The following UGT1A6 variants were observed in gnomAD, a reference collection of about 807,000 sequenced individuals.
UGT1A6 encodes UDP-glucuronosyltransferase 1A6.
UGT1A6 carries 32 observed loss-of-function variants against 44.4 expected under a neutral mutation model. The observed-to-expected ratio is 0.72, with a 90% confidence interval of 0.54 to 0.97. The LOEUF (loss-of-function observed/expected upper bound fraction) is 0.97. Ranked by LOEUF, UGT1A6 falls within the 50% of genes least tolerant of loss-of-function variation. The pLI is 0.00. For synonymous variants in UGT1A6, 238 were observed against 248.5 expected, an observed-to-expected ratio of 0.96 and a Z score of 0.40; for missense variants, 685 against 661.9, an observed-to-expected ratio of 1.03 and a Z score of -0.38.
At chr2:233,725,697 GTAGT>G (rs2077468291) in intron 1 of UGT1A6, among the ~76,000 whole-genome samples, 1 of 152,126 alleles carries the variant, frequency 6.6e-6, no homozygotes, top group South Asian at 2.1e-4. Flanking sequence ...ATAGTCATAT[GTAGT>G]TAGTGACTAC....
intron 1 of UGT1A6, among the ~76,000 whole-genome samples, chr2:233,758,654 A>G (rs1263947791): frequency 6.6e-6 from 1 of 152,140 alleles, no homozygotes; most frequent in Non-Finnish European, 1.5e-5. Flanking sequence ...ATGAGAGGGT[A>G]CCCTAATTAC....
chr2:233,744,670 C>T (rs1462469986), intron 1 of UGT1A6, among the ~76,000 whole-genome samples: 1 of 151,906 alleles, frequency 6.6e-6, no homozygotes, highest in Non-Finnish European at 1.5e-5. Flanking sequence ...TGATATTACA[C>T]ATCACCCATG....
intron 1 of UGT1A6, chr2:233,755,019 T>C (rs1378423497): frequency 1.5e-6 from 2 of 1,304,298 alleles, no homozygotes; most frequent in South Asian, 2.3e-5. Flanking sequence ...GAAGGGGTCC[T>C]TGAAGGGCCT....
At chr2:233,721,765 T>C (rs974997487) in intron 1 of UGT1A6, 7 of 478,556 alleles carry the variant, frequency 1.5e-5, no homozygotes, top group South Asian at 6.1e-5. Context: ...TAAATTGTTA[T>C]ATTTAGCATT....
intron 1 of UGT1A6, among the ~76,000 whole-genome samples, chr2:233,710,615 T>C (rs2076139654): frequency 6.6e-6 from 1 of 152,224 alleles, no homozygotes; most frequent in Non-Finnish European, 1.5e-5. Flanking sequence ...TTTGTCTTCT[T>C]ATATTTGAGT....
chr2:233,723,875 G>A (rs1353661197), intron 1 of UGT1A6, among the ~76,000 whole-genome samples: 1 of 40,312 alleles, frequency 2.5e-5, no homozygotes, highest in Non-Finnish European at 4.2e-5. Context: ...AGGATCCCAA[G>A]GCAGAGGAAT....
intron 1 of UGT1A6, among the ~76,000 whole-genome samples, chr2:233,725,945 T>C (rs1167076950): frequency 1.3e-5 from 2 of 152,170 alleles, no homozygotes; most frequent in Non-Finnish European, 2.9e-5. Flanking sequence ...GCAGGAGGAT[T>C]GTTTGAGCCC....
chr2:233,718,828 G>C lies in UGT1A6; in HGVS notation c.861+24963G>C, dbSNP rs137930413. 3.0e-4 allele frequency: 479 copies of C among 1,613,554 alleles called. 1 individual carries two copies. Among genetic ancestry groups the C allele is most frequent in the Admixed American group, 4.7e-4 (28 of 60,022 alleles). ...TCGGTGGCTTCTGCTGAGATGGCCA[G>C]AGGACTCCAGGTTCCCCTGCCGCGG... On this transcript the variant is annotated intron_variant, in intron 1 of 4. Transcript: ENST00000305139.
intron 1 of UGT1A6, chr2:233,756,198 G>A (rs1023408746): frequency 6.6e-6 from 1 of 152,220 alleles, no homozygotes; most frequent in African/African-American, 2.4e-5. Context: ...TAGCAGAGTA[G>A]TCCCTGGTAT....
At chr2:233,712,649 G>A (rs1221373992) in intron 1 of UGT1A6, among the ~76,000 whole-genome samples, 1 of 152,184 alleles carries the variant, frequency 6.6e-6, no homozygotes, top group Non-Finnish European at 1.5e-5. Flanking sequence ...CCTGATAAAC[G>A]TGGTTAAGAG....
At chr2:233,699,296 C>A (rs2075497064) in intron 1 of UGT1A6, among the ~76,000 whole-genome samples, 1 of 152,170 alleles carries the variant, frequency 6.6e-6, no homozygotes, top group Admixed American at 6.5e-5. Context: ...CTGGGACACT[C>A]TTATGCTGTC....
chr2:233,729,985 C>G, intron 1 of UGT1A6: 1 of 1,614,044 alleles, frequency 6.2e-7, no homozygotes. Flanking sequence ...CAGGAAGCCA[C>G]TATCTCAGGT....
At position 233,769,481 on chromosome 2, in the gene UGT1A6, G is replaced by T. The variant is rs35791110; in HGVS notation, c.1301+1042G>T. 6.2e-7 allele frequency: 1 copy of T among 1,612,192 alleles called. No homozygotes were observed. The highest frequency in any genetic ancestry group is 1.3e-5 in the African/African-American group (1 of 75,008). ...TTCATATGCGTGTGTGTGTGTGTGC[G>T]TGTGTTTATGAGAGTGTCCATTGCT... is the stretch of plus-strand genomic sequence containing the variant. On this transcript the variant is annotated intron_variant, in intron 4 of 4. Transcript: ENST00000305139. The surrounding 1 kb of genome is among the most constrained non-coding windows in gnomAD (Gnocchi z 4.4).
At chr2:233,719,164 C>T in intron 1 of UGT1A6, 1 of 1,614,210 alleles carries the variant, frequency 6.2e-7, no homozygotes, top group Admixed American at 1.7e-5. Flanking sequence ...AGAAGTATGG[C>T]AATTATGAAC....
upstream of UGT1A6, chr2:233,692,799 G>T: frequency 7.2e-7 from 1 of 1,392,828 alleles, no homozygotes. Flanking sequence ...AGCTGACACG[G>T]CCATAGTTGG....
chr2:233,771,017 G>A (rs964132313), intron 4 of UGT1A6: 3 of 152,186 alleles, frequency 2.0e-5, no homozygotes, highest in African/African-American at 7.2e-5. Flanking sequence ...GCAGGAGCGA[G>A]AGAGAGTTGG....
chr2:233,734,945 G>A (rs141411255), intron 1 of UGT1A6, among the ~76,000 whole-genome samples: 9,860 of 152,158 alleles, frequency 0.065, 535 homozygotes, highest in African/African-American at 0.16. Context: ...CATATGGTCA[G>A]TTTTAGAATA....
intron 1 of UGT1A6, chr2:233,747,107 A>T: frequency 1.4e-6 from 2 of 1,386,060 alleles, no homozygotes; most frequent in Admixed American, 4.1e-5. Flanking sequence ...TTCCAATTAC[A>T]TGATGATTTG....
At chr2:233,761,180 C>T (rs374898247) in intron 1 of UGT1A6, 24 of 1,614,008 alleles carry the variant, frequency 1.5e-5, no homozygotes, top group Non-Finnish European at 1.8e-5. Flanking sequence ...CTTTTACATG[C>T]GTATATTCTT....
Sources: gnomAD v4.1 joint callset for allele counts (sites outside exome capture counted in the v4.1 genomes callset) on GRCh38, gnomAD v4.1.1 for gene constraint, Gnocchi (gnomAD v3.1) non-coding constraint, MANE v1.5 for transcripts, NCBI Gene and HGNC (gene_info 2026-07-23, HGNC 2026-07-21) for gene names.